The following OR56A3 variants were observed in gnomAD, a reference collection of about 807,000 sequenced individuals.
The protein encoded by OR56A3 is olfactory receptor 56A3.
In OR56A3, 23 loss-of-function variants were observed where a neutral mutation model predicts 17.5. The ratio of observed to expected loss-of-function variants is 1.32; its 90% CI spans 0.95 to 1.87. The LOEUF is 1.87. Among genes scored for constraint, OR56A3 ranks in the 40% most tolerant of loss-of-function variants. OR56A3 has a pLI of 0.00. For synonymous variants in OR56A3, 175 were observed against 150.6 expected, an observed-to-expected ratio of 1.16 and a Z score of -1.19; for missense variants, 366 against 380.1, an observed-to-expected ratio of 0.96 and a Z score of 0.31.
At chr11:5,994,448 G>A in the OR56A3 span, 1 of 737,636 alleles carries the variant, frequency 1.4e-6, no homozygotes, top group Non-Finnish European at 2.5e-6. Context: ...CTGAGATTTG[G>A]GGGCATCTGT....
chr11:5,946,207 AT>A (rs1340836798), intron 2 of OR56A3, among the ~76,000 whole-genome samples: 1 of 152,200 alleles, frequency 6.6e-6, no homozygotes. Flanking sequence ...TTTCCAGCCT[AT>A]CCCCTATGTC....
At chr11:5,962,651 G>C in the OR56A3 span, among the ~76,000 whole-genome samples, 4 of 150,768 alleles carry the variant, frequency 2.7e-5, no homozygotes, top group African/African-American at 9.8e-5. Flanking sequence ...CCATTCTCCT[G>C]CCTCAGCCTC....
chr11:6,019,666 C>A, the OR56A3 span: 4 of 152,048 alleles, frequency 2.6e-5, no homozygotes, highest in East Asian at 5.8e-4. Flanking sequence ...AAAGACCCAC[C>A]CCCATAATTA....
At chr11:6,018,631 C>T in the OR56A3 span, among the ~76,000 whole-genome samples, 1 of 151,542 alleles carries the variant, frequency 6.6e-6, no homozygotes, top group Non-Finnish European at 1.5e-5. Flanking sequence ...TAATGCACCT[C>T]AAGAAATTAG....
chr11:5,956,341 A>G (rs1415565283), downstream of OR56A3, among the ~76,000 whole-genome samples: 6 of 152,180 alleles, frequency 3.9e-5, no homozygotes, highest in Admixed American at 2.0e-4. Context: ...GTGTTTATGT[A>G]AAATTAAATG....
At chr11:5,990,706 G>A in the OR56A3 span, among the ~76,000 whole-genome samples, 2 of 152,184 alleles carry the variant, frequency 1.3e-5, no homozygotes, top group East Asian at 1.9e-4. Flanking sequence ...AATAAAAGAC[G>A]AAGATACAAA....
chr11:5,974,156 G>T, the OR56A3 span, among the ~76,000 whole-genome samples: 1 of 150,982 alleles, frequency 6.6e-6, no homozygotes, highest in Admixed American at 6.6e-5. Context: ...ACCCAGGCTG[G>T]TGTGCAGTGG....
rs1847900103 is a variant in OR56A3, at chr11:5,950,258, G to C, written c.*1964G>C. ...TCCAGATGTCTACAGTAAGCTGTTA[G>C]AAGATAACCTTGGGTGCCAGGAAAA... is the stretch of plus-strand genomic sequence containing the variant. On this transcript the variant is annotated 3_prime_UTR_variant, in exon 3 of 3. Coordinates refer to ENST00000641160, the MANE Select transcript of OR56A3 (RefSeq NM_001003443.3). The C allele has an allele frequency of 6.6e-6, 1 of 152,118 alleles. No homozygotes were observed. The highest frequency in any genetic ancestry group is 1.5e-5 in the Non-Finnish European group (1 of 67,996). The allele number at this position is 152,118 out of a possible 1,614,324, so 9.4% of individuals were successfully genotyped here.
intron 2 of OR56A3, among the ~76,000 whole-genome samples, 189 bp downstream of exon 2, chr11:5,945,271 A>G (rs1847861936): frequency 6.6e-6 from 1 of 152,134 alleles, no homozygotes; most frequent in Non-Finnish European, 1.5e-5. Context: ...AAATACGTAT[A>G]ATAGAGTTAT....
the OR56A3 span, among the ~76,000 whole-genome samples, chr11:6,004,410 T>C: frequency 1.3e-5 from 2 of 152,150 alleles, no homozygotes; most frequent in Non-Finnish European, 2.9e-5. Context: ...ATAGCTACAA[T>C]GACTGATCTT....
intron 1 of OR56A3, among the ~76,000 whole-genome samples, chr11:5,942,620 C>G (rs535090873): frequency 6.6e-6 from 1 of 152,178 alleles, no homozygotes; most frequent in Non-Finnish European, 1.5e-5. Flanking sequence ...GTTAGAATTA[C>G]ATTAGTTTCT....
At chr11:5,943,513 T>TAAAAAAAA (rs375923866) in intron 1 of OR56A3, 1 of 136,854 alleles carries the variant, frequency 7.3e-6, no homozygotes, top group African/African-American at 2.7e-5. Flanking sequence ...TGATTTTCTT[T>TAAAAAAAA]AAAAAAAAAA....
chr11:5,957,924 T>G, the OR56A3 span, among the ~76,000 whole-genome samples: 1 of 152,162 alleles, frequency 6.6e-6, no homozygotes, highest in Non-Finnish European at 1.5e-5. Flanking sequence ...AATATGAAAT[T>G]CTAGTTATCC....
the OR56A3 span, among the ~76,000 whole-genome samples, chr11:5,984,609 G>A: frequency 6.6e-6 from 1 of 152,116 alleles, no homozygotes; most frequent in African/African-American, 2.4e-5. Context: ...TTAAGCCCTA[G>A]ACTGGGAATG....
chr11:5,981,318 C>A, the OR56A3 span, among the ~76,000 whole-genome samples: 1 of 152,218 alleles, frequency 6.6e-6, no homozygotes. Flanking sequence ...TAGGTTTGGT[C>A]TCTTAACATA....
At chr11:6,010,832 TGTGTGTGTGTG>T in the OR56A3 span, among the ~76,000 whole-genome samples, 1 of 151,024 alleles carries the variant, frequency 6.6e-6, no homozygotes, top group African/African-American at 2.4e-5. Context: ...TGTGTGTGTG[TGTGTGTGTGTG>T]TGTGTGTGCA....
At chr11:5,988,403 T>C in the OR56A3 span, among the ~76,000 whole-genome samples, 4 of 152,160 alleles carry the variant, frequency 2.6e-5, no homozygotes, top group Non-Finnish European at 5.9e-5. Flanking sequence ...ATAAAAGCAA[T>C]GGAGGAAGAC....
At chr11:5,999,832 C>T in the OR56A3 span, 1 of 152,162 alleles carries the variant, frequency 6.6e-6, no homozygotes, top group Non-Finnish European at 1.5e-5. Context: ...CTAAAAGAAG[C>T]TTATGACAGT....
At chr11:5,974,359 CCT>C in the OR56A3 span, among the ~76,000 whole-genome samples, 58 of 152,226 alleles carry the variant, frequency 3.8e-4, no homozygotes, top group Non-Finnish European at 4.4e-5. Flanking sequence ...CCCGCCTCGG[CCT>C]CTCAAAGTGC....
Sources: allele counts gnomAD v4.1 joint callset (sites outside exome capture counted in the v4.1 genomes callset), GRCh38; gene constraint gnomAD v4.1.1; transcripts MANE v1.5; gene names NCBI Gene and HGNC (gene_info 2026-07-23, HGNC 2026-07-21).